Variants in TUSC3 observed in about 807,000 individuals in gnomAD.
TUSC3 encodes dolichyl-diphosphooligosaccharide--protein glycosyltransferase subunit TUSC3.
TUSC3 carries 45 observed loss-of-function variants against 44.8 expected under a neutral mutation model. The ratio of observed to expected loss-of-function variants is 1.00; its 90% CI spans 0.79 to 1.29. The LOEUF is 1.29. TUSC3 is among the 50% of genes most tolerant of loss of function. The probability of loss-of-function intolerance (pLI) is 0.00; values close to 1 mark genes in which losing one functional copy is unlikely to be tolerated. For synonymous variants in TUSC3, 212 were observed against 152.9 expected, an observed-to-expected ratio of 1.39 and a Z score of -2.85; for missense variants, 519 against 437.9, an observed-to-expected ratio of 1.19 and a Z score of -1.65.
chr8:15,677,840 C>G (rs997764137), intron 6 of TUSC3, among the ~76,000 whole-genome samples: 1 of 152,140 alleles, frequency 6.6e-6, no homozygotes, highest in African/African-American at 2.4e-5. Flanking sequence ...GTGGGAGGAA[C>G]AGAAAGAGAA....
intron 1 of TUSC3, among the ~76,000 whole-genome samples, chr8:15,477,321 C>G (rs1230752722): frequency 6.6e-6 from 1 of 152,086 alleles, no homozygotes; most frequent in Non-Finnish European, 1.5e-5. Flanking sequence ...AGAAACTTTG[C>G]CTATAACCTA....
chr8:15,667,842 A>G (rs1187012582), intron 5 of TUSC3, among the ~76,000 whole-genome samples: 1 of 151,800 alleles, frequency 6.6e-6, no homozygotes, highest in African/African-American at 2.4e-5. Context: ...AGAATAGTTA[A>G]AAGCAAAGTT....
chr8:15,427,232 T>C (rs1799815154), intron 1 of TUSC3, among the ~76,000 whole-genome samples: 1 of 151,154 alleles, frequency 6.6e-6, no homozygotes, highest in Admixed American at 6.6e-5. Context: ...GTTTTTCCTT[T>C]TTTTTTTTTT....
the TUSC3 span, among the ~76,000 whole-genome samples, chr8:15,840,686 TA>T: frequency 6.6e-6 from 1 of 152,164 alleles, no homozygotes; most frequent in South Asian, 2.1e-4. Flanking sequence ...AGTCTCAGAA[TA>T]AATAGAAAAA....
chr8:15,788,457 G>A, the TUSC3 span, among the ~76,000 whole-genome samples: 1 of 149,446 alleles, frequency 6.7e-6, no homozygotes, highest in East Asian at 2.0e-4. Flanking sequence ...TGAGGCAGGA[G>A]AATCTCCTGA....
intron 1 of TUSC3, among the ~76,000 whole-genome samples, chr8:15,592,318 G>C (rs1803877155): frequency 6.6e-6 from 1 of 152,182 alleles, no homozygotes; most frequent in Admixed American, 6.5e-5. Flanking sequence ...TGCTTATTAA[G>C]CTTTTTCTGT....
chr8:15,476,170 A>C (rs1220838849), intron 1 of TUSC3, among the ~76,000 whole-genome samples: 1 of 152,208 alleles, frequency 6.6e-6, no homozygotes, highest in Non-Finnish European at 1.5e-5. Context: ...CTGTTATGTA[A>C]GAGAAGAATC....
chr8:15,809,863 T>C, the TUSC3 span, among the ~76,000 whole-genome samples: 1 of 152,198 alleles, frequency 6.6e-6, no homozygotes, highest in Non-Finnish European at 1.5e-5. Flanking sequence ...AAGGAAAACA[T>C]TCAGTCCTAC....
At chr8:15,544,961 G>A (rs544249443) in intron 1 of TUSC3, among the ~76,000 whole-genome samples, 6 of 151,806 alleles carry the variant, frequency 4.0e-5, no homozygotes, top group African/African-American at 1.2e-4. Context: ...ACAGATGAAG[G>A]ATAGTTTATT....
At chr8:15,707,759 C>A (rs906751541) in intron 6 of TUSC3, among the ~76,000 whole-genome samples, 1 of 151,898 alleles carries the variant, frequency 6.6e-6, no homozygotes, top group African/African-American at 2.4e-5. Context: ...AGGGCTGTCA[C>A]AACAAAATGC....
At chr8:15,460,348 T>C (rs1800328005) in intron 1 of TUSC3, among the ~76,000 whole-genome samples, 1 of 152,234 alleles carries the variant, frequency 6.6e-6, no homozygotes, top group South Asian at 2.1e-4. Flanking sequence ...TTTTGAGAAT[T>C]ACCTATTCAT....
chr8:15,801,145 C>T, the TUSC3 span, among the ~76,000 whole-genome samples: 1 of 152,196 alleles, frequency 6.6e-6, no homozygotes, highest in African/African-American at 2.4e-5. Context: ...ACAAGGGTTG[C>T]TGGTTGCCCA....
rs1190658558 is a variant in TUSC3, at chr8:15,740,387, A to G, written c.863-3151A>G. Among the ~76,000 whole-genome samples the G allele has an allele frequency of 3.3e-5, 5 of 152,290 alleles. 1 individual carries two copies. On this transcript the variant is annotated intron_variant, in intron 7 of 10. Coordinates refer to ENST00000503731, the MANE Select transcript of TUSC3 (RefSeq NM_006765.4). ...CCACATTAAAATTAAAGTTTTCTAC[A>G]TGACAGAATAATTTAAAATACAAAT... is the stretch of plus-strand genomic sequence containing the variant.
chr8:15,601,175 C>G (rs1052407466), intron 1 of TUSC3, among the ~76,000 whole-genome samples: 4 of 151,694 alleles, frequency 2.6e-5, no homozygotes, highest in African/African-American at 9.7e-5. Flanking sequence ...GAGTTTTAAA[C>G]TCATTTCCAA....
the TUSC3 span, among the ~76,000 whole-genome samples, chr8:15,840,276 A>G: frequency 6.6e-6 from 1 of 152,160 alleles, no homozygotes; most frequent in Non-Finnish European, 1.5e-5. Context: ...TGCCTAATGT[A>G]AGTGATGAGT....
At chr8:15,806,787 C>G in the TUSC3 span, 1 of 814,840 alleles carries the variant, frequency 1.2e-6, no homozygotes, top group Non-Finnish European at 2.1e-6. Context: ...CATTCTTTTT[C>G]TAGCGGATTT....
At chr8:15,798,833 G>A in the TUSC3 span, among the ~76,000 whole-genome samples, 1 of 152,100 alleles carries the variant, frequency 6.6e-6, no homozygotes, top group African/African-American at 2.4e-5. Context: ...TTCCATGCTA[G>A]TATCACTTAA....
chr8:15,469,980 G>C (rs1563259473), intron 1 of TUSC3, among the ~76,000 whole-genome samples: 1 of 152,176 alleles, frequency 6.6e-6, no homozygotes, highest in Non-Finnish European at 1.5e-5. Context: ...TGGAGGCTGG[G>C]TGAGGTGGCT....
chr8:15,718,940 G>A (rs1238664206), intron 6 of TUSC3, among the ~76,000 whole-genome samples: 1 of 151,838 alleles, frequency 6.6e-6, no homozygotes, highest in Non-Finnish European at 1.5e-5. Context: ...ACATATATAT[G>A]TATATATTTT....
Sources: gnomAD v4.1 joint callset for allele counts (sites outside exome capture counted in the v4.1 genomes callset) on GRCh38, gnomAD v4.1.1 for gene constraint, MANE v1.5 for transcripts, NCBI Gene and HGNC (gene_info 2026-07-23, HGNC 2026-07-21) for gene names.